Variants in RBFOX3 observed in about 807,000 individuals in gnomAD.
The protein encoded by RBFOX3 is RNA binding protein fox-1 homolog 3.
RBFOX3 carries 17 observed loss-of-function variants against 48.7 expected under a neutral mutation model. The ratio of observed to expected loss-of-function variants is 0.35; its 90% confidence interval spans 0.24 to 0.52. The LOEUF (loss-of-function observed/expected upper bound fraction) is 0.52, where lower values mean the gene tolerates loss of function less well. Ranked by LOEUF, RBFOX3 falls within the 20% of genes least tolerant of loss-of-function variation. The probability of loss-of-function intolerance (pLI) is 0.94; values close to 1 mark genes in which losing one functional copy is unlikely to be tolerated. For synonymous variants in RBFOX3, 212 were observed against 209.5 expected (o/e 1.01, Z -0.10); for missense variants, 382 against 497.5 (o/e 0.77, Z 2.21).
intron 3 of RBFOX3, among the ~76,000 whole-genome samples, chr17:79,273,494 C>T (rs1426007367): frequency 6.7e-6 from 1 of 148,458 alleles, no homozygotes; most frequent in Non-Finnish European, 1.5e-5. Context: ...GCCCTGTGCC[C>T]AGAGTCCCAG....
chr17:79,190,670 C>T (rs1009472549), intron 4 of RBFOX3, among the ~76,000 whole-genome samples: 12 of 152,272 alleles, frequency 7.9e-5, no homozygotes, highest in Admixed American at 3.3e-4. Flanking sequence ...AACTCTGCCT[C>T]GTGGTACACA....
intron 4 of RBFOX3, among the ~76,000 whole-genome samples, chr17:79,142,569 G>A (rs1252872281): frequency 1.3e-5 from 2 of 152,086 alleles, no homozygotes; most frequent in Non-Finnish European, 1.5e-5. Flanking sequence ...CTCCGCCAGC[G>A]GGGCACGGTG....
At chr17:79,508,408 G>A (rs1315916506) in intron 1 of RBFOX3, among the ~76,000 whole-genome samples, 1 of 152,192 alleles carries the variant, frequency 6.6e-6, no homozygotes, top group African/African-American at 2.4e-5. Flanking sequence ...CCGCCTGCCT[G>A]CCCGAGGCTG....
At chr17:79,475,444 G>A (rs1455369228) in intron 2 of RBFOX3, among the ~76,000 whole-genome samples, 2 of 152,132 alleles carry the variant, frequency 1.3e-5, no homozygotes, top group African/African-American at 4.8e-5. Context: ...GAGTCATAGT[G>A]CCTGGGTTCA....
intron 3 of RBFOX3, among the ~76,000 whole-genome samples, chr17:79,296,045 G>T (rs1420881465): frequency 6.6e-6 from 1 of 151,904 alleles, no homozygotes; most frequent in Non-Finnish European, 1.5e-5. Flanking sequence ...TGGGGGAGGG[G>T]TGTCAAGAAG....
intron 10 of RBFOX3, 110 bp downstream of exon 10, chr17:79,097,582 G>A: frequency 2.1e-6 from 3 of 1,423,998 alleles, no homozygotes; most frequent in Non-Finnish European, 2.8e-6. Flanking sequence ...ACGGGAGGGC[G>A]GGGACGGCCC....
intron 1 of RBFOX3, among the ~76,000 whole-genome samples, chr17:79,575,206 T>C (rs1436913284): frequency 6.6e-6 from 1 of 152,140 alleles, no homozygotes; most frequent in Non-Finnish European, 1.5e-5. Context: ...CAGCAATTAG[T>C]TATGAATTAC....
chr17:79,158,708 A>T (rs975337730), intron 4 of RBFOX3, among the ~76,000 whole-genome samples: 1 of 152,102 alleles, frequency 6.6e-6, no homozygotes, highest in Non-Finnish European at 1.5e-5. Flanking sequence ...TTAAAACATA[A>T]ATGAAAAAGG....
chr17:79,095,348 C>T (rs2074996207), intron 13 of RBFOX3, among the ~76,000 whole-genome samples, 165 bp downstream of exon 13: 1 of 152,170 alleles, frequency 6.6e-6, no homozygotes, highest in African/African-American at 2.4e-5. Context: ...CAGGGGCTCA[C>T]TGGCTCAAGG....
chr17:79,612,565 C>G (rs952467559), upstream of RBFOX3, among the ~76,000 whole-genome samples: 1 of 152,166 alleles, frequency 6.6e-6, no homozygotes, highest in Non-Finnish European at 1.5e-5. Flanking sequence ...CCCTCCAGCC[C>G]GTCTGGGTCA....
rs959491053 is a variant in RBFOX3, at chr17:79,267,152, A to G, written c.-73-31347T>C. 7.2e-5 allele frequency among the ~76,000 whole-genome samples: 11 copies of G among 152,070 alleles called. No homozygotes were observed. In the East Asian group the frequency reaches 2.1e-3, roughly 30 times the overall value. The stretch of plus-strand genomic sequence containing the variant: ...GCAGTGAGTGGCAGAATTGCACTGA[A>G]GCCCACCCACTTGGGGTGGGGGCAA... On this transcript the variant is annotated intron_variant, in intron 3 of 14. Transcript: ENST00000693108.
chr17:79,457,661 A>G (rs1466344980), intron 2 of RBFOX3, among the ~76,000 whole-genome samples: 1 of 152,130 alleles, frequency 6.6e-6, no homozygotes, highest in Non-Finnish European at 1.5e-5. Flanking sequence ...TCCCAAAGAG[A>G]TGCAGAGAAT....
the RBFOX3 span, among the ~76,000 whole-genome samples, chr17:79,656,781 A>G: frequency 5.7e-3 from 153 of 26,882 alleles, 1 homozygote; most frequent in Middle Eastern, 0.019. Flanking sequence ...AAGGAAGGAA[A>G]GAAAGAAAGA....
At chr17:79,647,677 C>T in the RBFOX3 span, among the ~76,000 whole-genome samples, 1 of 152,192 alleles carries the variant, frequency 6.6e-6, no homozygotes, top group Admixed American at 6.5e-5. Flanking sequence ...GCCCACAGGC[C>T]CTGCTGCCCC....
intron 1 of RBFOX3, among the ~76,000 whole-genome samples, chr17:79,589,683 G>T: frequency 6.6e-6 from 1 of 152,250 alleles, no homozygotes; most frequent in Non-Finnish European, 1.5e-5. Flanking sequence ...GGACCCCCTG[G>T]AAGGGACCCT....
At chr17:79,137,787 G>A (rs2040596317) in intron 4 of RBFOX3, among the ~76,000 whole-genome samples, 1 of 152,200 alleles carries the variant, frequency 6.6e-6, no homozygotes, top group Non-Finnish European at 1.5e-5. Context: ...AATTAATGAA[G>A]TTTTTGGGTC....
chr17:79,341,910 G>A (rs895749735), intron 2 of RBFOX3, among the ~76,000 whole-genome samples: 1 of 152,368 alleles, frequency 6.6e-6, no homozygotes, highest in East Asian at 1.9e-4. Context: ...CAGGTGATGC[G>A]CTAATGTGAA....
rs545000169 is a variant in RBFOX3 at position 79,163,801 on chromosome 17, G to A, written c.-33-48053C>T. On this transcript the variant is annotated intron_variant, in intron 4 of 14. Coordinates refer to ENST00000693108, the MANE Select transcript of RBFOX3 (RefSeq NM_001350451.2). ...GCCAGATGCAGAACGGGTCTCCTGC[G>A]TTGAGCTCCTCCTTGCCCAGGTGCT... Among the ~76,000 whole-genome samples the A allele has an allele frequency of 7.2e-5, 11 of 152,270 alleles. No homozygotes were observed. The East Asian group carries it at 1.2e-3, about 16-fold the overall frequency.
chr17:79,625,774 A>G, the RBFOX3 span, among the ~76,000 whole-genome samples: 1 of 152,232 alleles, frequency 6.6e-6, no homozygotes, highest in African/African-American at 2.4e-5. Context: ...CCTGAGCAAC[A>G]AGAGCAAAAC....
Sources: gnomAD v4.1 joint callset for allele counts (sites outside exome capture counted in the v4.1 genomes callset) on GRCh38, gnomAD v4.1.1 for gene constraint, MANE v1.5 for transcripts, NCBI Gene and HGNC (gene_info 2026-07-23, HGNC 2026-07-21) for gene names.